Variants in CD2AP observed in about 807,000 individuals in gnomAD.
CD2AP encodes the protein CD2-associated protein.
CD2AP carries 46 observed loss-of-function variants against 85.1 expected under a neutral mutation model. That is an observed-to-expected ratio of 0.54 (90% confidence interval 0.43 to 0.69). The LOEUF (loss-of-function observed/expected upper bound fraction) is 0.69, where lower values mean the gene tolerates loss of function less well. Ranked by LOEUF, CD2AP falls within the 30% of genes least tolerant of loss-of-function variation. The probability of loss-of-function intolerance (pLI) is 0.00; values close to 1 mark genes in which losing one functional copy is unlikely to be tolerated. For missense variants in CD2AP, 769 were observed against 729.5 expected (o/e 1.05, Z -0.62); for synonymous variants, 255 against 252.9 (o/e 1.01, Z -0.08).
chr6:47,611,366 T>C (rs1489877352), intron 16 of CD2AP, among the ~76,000 whole-genome samples: 1 of 116,426 alleles, frequency 8.6e-6, no homozygotes, highest in Non-Finnish European at 2.0e-5. Flanking sequence ...ACTATAAAAC[T>C]TTTTCTATGG....
chr6:47,542,416 T>G (rs1346843331), intron 3 of CD2AP, among the ~76,000 whole-genome samples: 1 of 152,246 alleles, frequency 6.6e-6, no homozygotes, highest in African/African-American at 2.4e-5. Context: ...GTTTGAATTA[T>G]GGTTCTTTCC....
At chr6:47,553,811 T>C (rs1767599037) in intron 4 of CD2AP, among the ~76,000 whole-genome samples, 1 of 152,136 alleles carries the variant, frequency 6.6e-6, no homozygotes, top group Non-Finnish European at 1.5e-5. Context: ...GTTTGATTCA[T>C]GAGGATATAT....
At chr6:47,547,118 TAAAAAACAAAGAC>T (rs1767383834) in intron 4 of CD2AP, among the ~76,000 whole-genome samples, 1 of 151,818 alleles carries the variant, frequency 6.6e-6, no homozygotes, top group African/African-American at 2.4e-5. Context: ...AAATAGAAGT[TAAAAAACAAAGAC>T]AAAAAACAAA....
At chr6:47,536,911 T>C (rs1373500573) in intron 3 of CD2AP, among the ~76,000 whole-genome samples, 1 of 152,202 alleles carries the variant, frequency 6.6e-6, no homozygotes, top group Non-Finnish European at 1.5e-5. Context: ...GGAATATTGG[T>C]AGATGTTTCA....
intron 5 of CD2AP, among the ~76,000 whole-genome samples, chr6:47,557,377 G>A (rs1767726043): frequency 6.6e-6 from 1 of 152,124 alleles, no homozygotes; most frequent in Non-Finnish European, 1.5e-5. Context: ...TGCTTTTGGT[G>A]TTTTAGTCAT....
At chr6:47,567,768 G>A (rs1419362050) in intron 5 of CD2AP, among the ~76,000 whole-genome samples, 2 of 152,190 alleles carry the variant, frequency 1.3e-5, no homozygotes, top group Non-Finnish European at 2.9e-5. Flanking sequence ...TATATAATTA[G>A]ATGTGAATGT....
At chr6:47,561,014 G>T (rs1582560413) in intron 5 of CD2AP, among the ~76,000 whole-genome samples, 2 of 151,988 alleles carry the variant, frequency 1.3e-5, no homozygotes, top group African/African-American at 4.8e-5. Context: ...CTCATCAGAG[G>T]GTTCTGTTTT....
At chr6:47,604,783 A>G (rs560035003) in intron 13 of CD2AP, among the ~76,000 whole-genome samples, 14 of 152,164 alleles carry the variant, frequency 9.2e-5, no homozygotes, top group African/African-American at 3.1e-4. Context: ...ATGGTTTGTT[A>G]TATTTCATGA....
chr6:47,480,070 T>C (rs181240177), intron 1 of CD2AP, among the ~76,000 whole-genome samples: 3 of 152,258 alleles, frequency 2.0e-5, no homozygotes, highest in Admixed American at 2.0e-4. Flanking sequence ...GATTTATTTG[T>C]TGTGTTCTGT....
At chr6:47,520,629 G>A (rs927070680) in intron 2 of CD2AP, among the ~76,000 whole-genome samples, 1 of 152,050 alleles carries the variant, frequency 6.6e-6, no homozygotes, top group Non-Finnish European at 1.5e-5. Flanking sequence ...GCGAAAGTGG[G>A]GTCTATGGTG....
chr6:47,517,623 C>T (rs1177165405), intron 2 of CD2AP, among the ~76,000 whole-genome samples: 1 of 152,116 alleles, frequency 6.6e-6, no homozygotes, highest in Non-Finnish European at 1.5e-5. Flanking sequence ...TACCCAGCCT[C>T]AGATACTTCT....
rs1169191391 is a variant in CD2AP at position 47,595,863 on chromosome 6, G to C, written c.1111G>C (p.Glu371Gln). 1.9e-5 allele frequency: 31 copies of C among 1,610,944 alleles called. No homozygotes were observed. The highest frequency in any genetic ancestry group is 2.6e-5 in the Non-Finnish European group (31 of 1,177,806). Reference protein sequence around the residue: ...YFSLKPEEKDEKSTLEQKPSK... With the variant: ...YFSLKPEEKDQKSTLEQKPSK... ...TTGTGAAATATTTTAAATCTTAGATGAAAAATCAACACTGGAACAGAAACC... is the reference window on the plus strand; with the variant it reads ...TTGTGAAATATTTTAAATCTTAGATCAAAAATCAACACTGGAACAGAAACC... The change falls in exon 12 of 18, where the codon GAA (glutamate) becomes CAA (glutamine). Residue 371 changes from glutamate (E) to glutamine (Q), a missense_variant and splice_region_variant. Physicochemically the swap from Glu to Gln is conservative, Grantham distance 29. Coordinates refer to ENST00000359314, the MANE Select transcript of CD2AP (RefSeq NM_012120.3).
intron 2 of CD2AP, among the ~76,000 whole-genome samples, chr6:47,512,302 A>G (rs1019293398): frequency 1.3e-5 from 2 of 152,222 alleles, no homozygotes; most frequent in Non-Finnish European, 1.5e-5. Flanking sequence ...AGATCGCACC[A>G]CTGCACTCCA....
chr6:47,517,607 A>G (rs1036248847), intron 2 of CD2AP, among the ~76,000 whole-genome samples: 1 of 152,138 alleles, frequency 6.6e-6, no homozygotes, highest in Non-Finnish European at 1.5e-5. Flanking sequence ...TCTTTTTAAA[A>G]TAAATTACCC....
At chr6:47,478,303 G>A (rs1013918946) in intron 1 of CD2AP, 55 bp downstream of exon 1, 27 of 1,559,268 alleles carry the variant, frequency 1.7e-5, no homozygotes, top group Middle Eastern at 1.7e-4. Context: ...ACCCGGGGAG[G>A]CTGTGCCCTT....
At chr6:47,491,535 T>C (rs2113967662) in intron 1 of CD2AP, among the ~76,000 whole-genome samples, 1 of 152,270 alleles carries the variant, frequency 6.6e-6, no homozygotes, top group East Asian at 1.9e-4. Context: ...CTCAGTTAGA[T>C]GCCATTGTGA....
chr6:47,606,264 A>C lies in CD2AP; in HGVS notation c.1517A>C (p.Asn506Thr). ...MPGRRLPGRF[N>T]GGHSPTHSPE... ...GGAAGAAGGTTGCCGGGCCGTTTCAATGGTGGACATTCTGTGAGTTCATCT... is the reference window on the plus strand; with the variant it reads ...GGAAGAAGGTTGCCGGGCCGTTTCACTGGTGGACATTCTGTGAGTTCATCT... Residue 506 changes from asparagine to threonine, a missense_variant, in exon 14 of 18, where the codon AAT (asparagine) becomes ACT (threonine). By Grantham distance (65) the Asn-to-Thr change is moderately conservative. Transcript: ENST00000359314. The C allele has an allele frequency of 6.3e-7, 1 of 1,585,362 alleles. No individual in the cohort carries two copies. The highest frequency in any genetic ancestry group is 8.7e-7 in the Non-Finnish European group (1 of 1,154,110).
chr6:47,545,384 G>T (rs1419928041), intron 4 of CD2AP, among the ~76,000 whole-genome samples: 18 of 152,096 alleles, frequency 1.2e-4, no homozygotes, highest in Admixed American at 1.2e-3. Flanking sequence ...GAAATGCCTA[G>T]CCCCGCCCGC....
chr6:47,534,273 T>A (rs1766967846), intron 3 of CD2AP, among the ~76,000 whole-genome samples: 1 of 152,192 alleles, frequency 6.6e-6, no homozygotes, highest in Admixed American at 6.5e-5. Context: ...TGAGTCTGTC[T>A]TATGACCTCA....
Sources: allele counts gnomAD v4.1 joint callset (sites outside exome capture counted in the v4.1 genomes callset), GRCh38; gene constraint gnomAD v4.1.1; transcripts MANE v1.5; gene names NCBI Gene and HGNC (gene_info 2026-07-23, HGNC 2026-07-21).